CLTB: variants seen among roughly 807,000 people sequenced by gnomAD.
CLTB encodes clathrin, light chain (Lcb).
Under a neutral mutation model 30.5 loss-of-function variants are expected in CLTB, and 10 were observed. That is an observed-to-expected ratio of 0.33 (90% CI 0.20 to 0.56). The LOEUF (loss-of-function observed/expected upper bound fraction) is 0.56. Ranked by LOEUF, CLTB falls within the 20% of genes least tolerant of loss-of-function variation. The probability of loss-of-function intolerance (pLI) is 0.91; values close to 1 mark genes in which losing one functional copy is unlikely to be tolerated. For synonymous variants in CLTB, 102 were observed against 120.3 expected (o/e 0.85, Z 1.00); for missense variants, 261 against 308.3 (o/e 0.85, Z 1.15).
At chr5:176,409,406 C>CTTTTT (rs34831947) in intron 2 of CLTB, among the ~76,000 whole-genome samples, 4 of 79,654 alleles carry the variant, frequency 5.0e-5, no homozygotes, top group South Asian at 4.9e-4. Context: ...TCTGATTGCC[C>CTTTTT]TTTTTTTTTT....
chr5:176,410,448 T>C (rs1483702797), intron 1 of CLTB, 145 bp from the exon 2 acceptor site: 1 of 633,752 alleles, frequency 1.6e-6, no homozygotes, highest in Non-Finnish European at 2.8e-6. Context: ...TGGATATATA[T>C]ATAACTTAGG....
chr5:176,406,721 G>A (rs766839366), intron 2 of CLTB: 2 of 1,281,478 alleles, frequency 1.6e-6, no homozygotes, highest in South Asian at 1.3e-5. Context: ...GCAGAAAAGA[G>A]GAAGAAAGGA....
At chr5:176,396,622 G>C in intron 4 of CLTB, 90 bp from the exon 5 acceptor site, 18 of 864,060 alleles carry the variant, frequency 2.1e-5, no homozygotes, top group Non-Finnish European at 2.7e-5. Flanking sequence ...GAGAGAGAGA[G>C]ACAGCATTAG....
intron 2 of CLTB, chr5:176,406,665 A>T (rs1251930155): frequency 1.6e-6 from 2 of 1,289,184 alleles, no homozygotes; most frequent in South Asian, 2.5e-5. Context: ...CTTAGGCTGT[A>T]TTGGCAACTG....
chr5:176,397,918 C>T lies in CLTB; in HGVS notation c.352+12G>A. 5 of 1,611,580 alleles carry T rather than the reference C, an allele frequency of 3.1e-6. No homozygotes were observed. Among genetic ancestry groups the T allele is most frequent in the Non-Finnish European group, 4.2e-6 (5 of 1,178,510 alleles). On this transcript the variant is annotated intron_variant, in intron 3 of 5. Coordinates refer to ENST00000310418, the MANE Select transcript of CLTB (RefSeq NM_007097.5). ...GCCCACCCAGCCAACCCCGCCTCAG[C>T]CCCGCCCTCACCCAGCTCTTGCAGC...
chr5:176,404,139 G>T (rs1476160079), intron 2 of CLTB, among the ~76,000 whole-genome samples: 1 of 152,226 alleles, frequency 6.6e-6, no homozygotes, highest in Non-Finnish European at 1.5e-5. Flanking sequence ...GCAGAACCAG[G>T]ATTCAAACTG....
chr5:176,408,859 AATTTGT>A (rs758014777), intron 2 of CLTB, among the ~76,000 whole-genome samples: 4 of 152,326 alleles, frequency 2.6e-5, no homozygotes, highest in Non-Finnish European at 5.9e-5. Context: ...ACACTTAAAG[AATTTGT>A]AAACAACCCA....
chr5:176,415,543 T>C (rs1242093633), intron 1 of CLTB, among the ~76,000 whole-genome samples: 1 of 152,128 alleles, frequency 6.6e-6, no homozygotes, highest in African/African-American at 2.4e-5. Context: ...AAAATATATA[T>C]GTAAAAGAAA....
intron 2 of CLTB, among the ~76,000 whole-genome samples, chr5:176,398,779 G>A (rs1001719202): frequency 1.2e-4 from 19 of 152,014 alleles, no homozygotes; most frequent in African/African-American, 2.4e-4. Flanking sequence ...TTGTGTTACC[G>A]TCATTAAAAT....
chr5:176,407,146 A>C (rs932933382), intron 2 of CLTB, among the ~76,000 whole-genome samples: 2 of 152,152 alleles, frequency 1.3e-5, no homozygotes, highest in East Asian at 1.9e-4. Flanking sequence ...CAGCTCACCC[A>C]CGGCTGACAG....
At chr5:176,396,618 G>A in intron 4 of CLTB, 86 bp from the exon 5 acceptor site, 2 of 951,670 alleles carry the variant, frequency 2.1e-6, no homozygotes, top group Admixed American at 3.8e-5. Flanking sequence ...GAGAGAGAGA[G>A]AGAGACAGCA....
intron 1 of CLTB, among the ~76,000 whole-genome samples, chr5:176,414,884 G>A (rs528748073): frequency 1.3e-5 from 2 of 152,182 alleles, no homozygotes; most frequent in Non-Finnish European, 2.9e-5. Flanking sequence ...TATCCCCAGC[G>A]TCCTGACACA....
intron 3 of CLTB, 36 bp downstream of exon 3, chr5:176,397,894 C>T: frequency 6.3e-7 from 1 of 1,580,544 alleles, no homozygotes; most frequent in Middle Eastern, 1.7e-4. Context: ...CCACACACAG[C>T]CCACCCAGCC....
At chr5:176,412,528 C>T (rs959379639) in intron 1 of CLTB, among the ~76,000 whole-genome samples, 1 of 152,152 alleles carries the variant, frequency 6.6e-6, no homozygotes, top group Non-Finnish European at 1.5e-5. Flanking sequence ...TGCTGTGCCT[C>T]CTAGCAAAAA....
rs1757673825 is a variant in CLTB, at chr5:176,416,029, G to A, written c.187+148C>T. The A allele has an allele frequency of 5.6e-6, 4 of 711,370 alleles. No homozygotes were observed. The East Asian group carries it at 1.3e-4, about 24-fold the overall frequency. The allele number at this position is 711,370 out of a possible 1,614,324, so 44.1% of individuals were successfully genotyped here. On this transcript the variant is annotated intron_variant, in intron 1 of 5. Coordinates refer to ENST00000310418, the MANE Select transcript of CLTB (RefSeq NM_007097.5). Reference sequence around the variant, plus strand: ...CATCCCCAGCTCGGAAGTCCTACATGGAGATCTCCAAGAAGATTCTTCCCC... The same window carrying A: ...CATCCCCAGCTCGGAAGTCCTACATAGAGATCTCCAAGAAGATTCTTCCCC...
intron 2 of CLTB, among the ~76,000 whole-genome samples, chr5:176,407,090 C>G (rs1056042315): frequency 1.3e-5 from 2 of 152,162 alleles, no homozygotes; most frequent in African/African-American, 2.4e-5. Context: ...AATAAGAGTT[C>G]TCACTCAGAT....
rs1757684057 is a variant in CLTB at position 176,416,216 on chromosome 5, T to C, written c.148A>G (p.Ser50Gly). ...NDEGFGAPAG[S>G]HAAPAQPGPT... ...CCCGGCTGCGCGGGGGCCGCATGGC[T>C]GCCGGCAGGTGCCCCGAAGCCCTCG... is the stretch of plus-strand genomic sequence containing the variant. Residue 50 changes from serine to glycine, a missense_variant, in exon 1 of 6, where the codon AGC becomes GGC. Ser to Gly is a moderately conservative substitution (Grantham distance 56). Around this residue, in one of 3 missense-constraint regions of CLTB, gnomAD observed 113 missense variants for 102.5 expected, o/e 1.10. Transcript: ENST00000310418. 6.3e-7 allele frequency: 1 copy of C among 1,597,108 alleles called. No individual in the cohort carries two copies. The highest frequency in any genetic ancestry group is 8.5e-7 in the Non-Finnish European group (1 of 1,174,344).
chr5:176,396,561 A>G, intron 4 of CLTB, 29 bp from the exon 5 acceptor site: 1 of 1,581,310 alleles, frequency 6.3e-7, no homozygotes, highest in Non-Finnish European at 8.7e-7. Flanking sequence ...GGAAGGGGTT[A>G]GGTGGGGGAA....
In CLTB at chr5:176,392,996, C is replaced by T; in HGVS notation, c.519-51G>A. 1 of 1,607,868 alleles carries T rather than the reference C, an allele frequency of 6.2e-7. No individual in the cohort carries two copies. Among genetic ancestry groups the T allele is most frequent in the Non-Finnish European group, 8.5e-7 (1 of 1,175,004 alleles). ...TTATAGCAGTCTGCTTTCCCCCAGCCTTGCCCTTGAGCAAGGCTGCTTTGC... is the reference window on the plus strand; with the variant it reads ...TTATAGCAGTCTGCTTTCCCCCAGCTTTGCCCTTGAGCAAGGCTGCTTTGC... On this transcript the variant is annotated intron_variant, in intron 5 of 5. Transcript: ENST00000310418. This position sits in a 1 kb window ranked among gnomAD's most constrained non-coding sequence, Gnocchi z 5.2.
Sources: allele counts gnomAD v4.1 joint callset (sites outside exome capture counted in the v4.1 genomes callset), GRCh38; gene constraint gnomAD v4.1.1; regional missense constraint gnomAD v4.1.1; non-coding constraint Gnocchi (gnomAD v3.1); transcripts MANE v1.5; gene names NCBI Gene and HGNC (gene_info 2026-07-23, HGNC 2026-07-21).